Variants in SLC24A3 observed in about 807,000 individuals in gnomAD.
SLC24A3 encodes the protein sodium/potassium/calcium exchanger 3.
A neutral mutation model predicts 75.8 loss-of-function variants in SLC24A3; 28 were observed. That is an observed-to-expected ratio of 0.37 (90% CI 0.27 to 0.51). The LOEUF (loss-of-function observed/expected upper bound fraction) is 0.51. Among genes scored for constraint, SLC24A3 ranks in the 20% least tolerant of loss-of-function variants. SLC24A3 has a pLI of 0.94. For synonymous variants in SLC24A3, 372 were observed against 334.1 expected (o/e 1.11, Z -1.24); for missense variants, 663 against 847.8 (o/e 0.78, Z 2.71).
chr20:19,369,310 T>C (rs1175764295), intron 2 of SLC24A3, among the ~76,000 whole-genome samples: 1 of 152,178 alleles, frequency 6.6e-6, no homozygotes, highest in African/African-American at 2.4e-5. Flanking sequence ...AGCCTGACTA[T>C]AATTTTGAGA....
At chr20:19,413,515 G>T (rs1172205009) in intron 2 of SLC24A3, among the ~76,000 whole-genome samples, 1 of 152,086 alleles carries the variant, frequency 6.6e-6, no homozygotes, top group African/African-American at 2.4e-5. Context: ...AGACTGTCTG[G>T]GAAGATGCTC....
chr20:19,602,576 G>A (rs1035625960), intron 6 of SLC24A3, among the ~76,000 whole-genome samples: 12 of 152,108 alleles, frequency 7.9e-5, no homozygotes, highest in Non-Finnish European at 1.6e-4. Context: ...CCCAGGTCTG[G>A]CCAACTCTAG....
At chr20:19,528,117 C>T (rs1236474796) in intron 3 of SLC24A3, among the ~76,000 whole-genome samples, 2 of 152,112 alleles carry the variant, frequency 1.3e-5, no homozygotes, top group African/African-American at 2.4e-5. Flanking sequence ...CTTTTTTGTC[C>T]TCTTTAAAGG....
intron 1 of SLC24A3, among the ~76,000 whole-genome samples, chr20:19,253,755 C>A (rs1020156904): frequency 6.6e-6 from 1 of 152,186 alleles, no homozygotes; most frequent in South Asian, 2.1e-4. Flanking sequence ...ATGGAATGGT[C>A]CTGTCCTTAA....
At chr20:19,310,099 C>T (rs1984423119) in intron 2 of SLC24A3, among the ~76,000 whole-genome samples, 1 of 152,170 alleles carries the variant, frequency 6.6e-6, no homozygotes, top group East Asian at 1.9e-4. Flanking sequence ...GGAGTTCATT[C>T]CATCTTCTGG....
chr20:19,492,542 T>C (rs1988223996), intron 2 of SLC24A3, among the ~76,000 whole-genome samples: 1 of 152,194 alleles, frequency 6.6e-6, no homozygotes. Flanking sequence ...AGGAAGTTAA[T>C]ACTGTGGTAG....
chr20:19,335,337 G>T (rs570182394), intron 2 of SLC24A3, among the ~76,000 whole-genome samples: 1 of 152,180 alleles, frequency 6.6e-6, no homozygotes, highest in Non-Finnish European at 1.5e-5. Context: ...GCTTCTCTTA[G>T]CCCACAGATA....
intron 6 of SLC24A3, among the ~76,000 whole-genome samples, chr20:19,617,837 G>T (rs1402431078): frequency 6.6e-6 from 1 of 152,104 alleles, no homozygotes; most frequent in Non-Finnish European, 1.5e-5. Context: ...CCAGTCCACG[G>T]TTCAGACGAG....
intron 1 of SLC24A3, among the ~76,000 whole-genome samples, chr20:19,277,639 CTT>C (rs1378686242): frequency 6.6e-6 from 1 of 152,164 alleles, no homozygotes; most frequent in Non-Finnish European, 1.5e-5. Flanking sequence ...GTCAAATACA[CTT>C]TTGTTGAGAT....
chr20:19,345,781 A>G (rs1985380934), intron 2 of SLC24A3, among the ~76,000 whole-genome samples: 1 of 151,996 alleles, frequency 6.6e-6, no homozygotes, highest in South Asian at 2.1e-4. Context: ...CAAGAATAAA[A>G]AAAGAGTAGA....
chr20:19,565,964 A>T (rs1037768115), intron 3 of SLC24A3, among the ~76,000 whole-genome samples: 1 of 152,156 alleles, frequency 6.6e-6, no homozygotes, highest in Admixed American at 6.6e-5. Flanking sequence ...TATGTTGGTT[A>T]TTGGGAAAGT....
intron 2 of SLC24A3, among the ~76,000 whole-genome samples, chr20:19,287,145 C>T (rs1037774091): frequency 1.3e-5 from 2 of 152,228 alleles, no homozygotes. Flanking sequence ...TTATTTCTTT[C>T]TCATGGAATG....
intron 3 of SLC24A3, among the ~76,000 whole-genome samples, chr20:19,549,266 A>G (rs2030653235): frequency 6.6e-6 from 1 of 152,234 alleles, no homozygotes; most frequent in African/African-American, 2.4e-5. Flanking sequence ...AAAGAGCATC[A>G]GTTTTTGGTA....
chr20:19,338,210 T>G (rs957058436), intron 2 of SLC24A3, among the ~76,000 whole-genome samples: 6 of 152,222 alleles, frequency 3.9e-5, no homozygotes, highest in African/African-American at 1.2e-4. Flanking sequence ...AGTCAAGCTC[T>G]CCCCTGCCCT....
intron 2 of SLC24A3, among the ~76,000 whole-genome samples, chr20:19,321,120 A>G (rs1984697967): frequency 6.6e-6 from 1 of 152,040 alleles, no homozygotes; most frequent in Non-Finnish European, 1.5e-5. Context: ...TATATAATTT[A>G]CTTTTTTGTG....
intron 2 of SLC24A3, among the ~76,000 whole-genome samples, chr20:19,295,119 G>T (rs1410913329): frequency 2.6e-5 from 4 of 152,154 alleles, no homozygotes; most frequent in Non-Finnish European, 5.9e-5. Context: ...AGAAGTGTCT[G>T]TTCGTGTCCC....
chr20:19,598,203 A>C (rs113596733), intron 6 of SLC24A3, among the ~76,000 whole-genome samples: 2 of 152,114 alleles, frequency 1.3e-5, no homozygotes, highest in East Asian at 3.9e-4. Context: ...TTTGTGAAGT[A>C]AGACATTTGT....
intron 2 of SLC24A3, among the ~76,000 whole-genome samples, chr20:19,351,755 C>T (rs921505229): frequency 6.6e-6 from 1 of 152,156 alleles, no homozygotes; most frequent in South Asian, 2.1e-4. Context: ...TAGTTTGAAG[C>T]AGGCTGAACA....
chr20:19,611,921 C>T (rs1002277278), intron 6 of SLC24A3, among the ~76,000 whole-genome samples: 5 of 152,196 alleles, frequency 3.3e-5, no homozygotes, highest in African/African-American at 1.2e-4. Context: ...CCTCCAGGCT[C>T]CCCGTTGCCC....
Sources: gnomAD v4.1 joint callset for allele counts (sites outside exome capture counted in the v4.1 genomes callset) on GRCh38, gnomAD v4.1.1 for gene constraint, MANE v1.5 for transcripts, NCBI Gene and HGNC (gene_info 2026-07-23, HGNC 2026-07-21) for gene names.